DENND11: variants seen among roughly 807,000 people sequenced by gnomAD.
The protein encoded by DENND11 is DENN domain-containing protein 11.
In DENND11, 34 loss-of-function variants were observed where a neutral mutation model predicts 49.2. That is an observed-to-expected ratio of 0.69 (90% confidence interval 0.53 to 0.92). The LOEUF (loss-of-function observed/expected upper bound fraction) is 0.92, where lower values mean the gene tolerates loss of function less well. DENND11 is among the 40% of genes least tolerant of loss of function. The pLI, the probability that DENND11 is intolerant of heterozygous loss-of-function variation, is 0.00. For missense variants in DENND11, 475 were observed against 581.6 expected (o/e 0.82, Z 1.88); for synonymous variants, 238 against 230.3 (o/e 1.03, Z -0.30).
intron 2 of DENND11, among the ~76,000 whole-genome samples, chr7:141,685,984 T>C (rs541686894): frequency 6.6e-6 from 1 of 152,372 alleles, no homozygotes; most frequent in African/African-American, 2.4e-5. Context: ...CTCTCTTTCG[T>C]AGCATAAACC....
At position 141,702,027 on chromosome 7, in the gene DENND11, C is replaced by G. The variant is rs991275339; in HGVS notation, c.127G>C (p.Ala43Pro). The G allele has an allele frequency of 4.8e-6, 5 of 1,046,722 alleles. No individual in the cohort carries two copies. The African/African-American group carries it at 8.6e-5, about 18-fold the overall frequency. 64.8% of individuals were successfully genotyped at this position (1,046,722 alleles called of 1,614,324 possible). ...TCCCGCCTCCGGGGCGGCTCCGCGG[C>G]CGGCCGGGCGCCCCCGCCGCCGCCC... is the stretch of plus-strand genomic sequence containing the variant. ...GRGGGGGARP[A>P]AEPPRRREPE... The change falls in exon 1 of 9, where the codon GCC becomes CCC. Residue 43 changes from alanine (A) to proline (P), a missense_variant. Physicochemically the swap from Ala to Pro is conservative, Grantham distance 27 (BLOSUM62 -1). Transcript: ENST00000536163.
chr7:141,669,491 C>G (rs971775295), intron 4 of DENND11, among the ~76,000 whole-genome samples: 11 of 152,194 alleles, frequency 7.2e-5, no homozygotes, highest in African/African-American at 2.4e-4. Flanking sequence ...CATGATCCAC[C>G]TGCCTTGGCC....
At chr7:141,687,631 A>ACTTTTTTTTTTTTT (rs1554410465) in intron 1 of DENND11, among the ~76,000 whole-genome samples, 1 of 112,826 alleles carries the variant, frequency 8.9e-6, no homozygotes, top group African/African-American at 3.3e-5. Flanking sequence ...CACTCGGCTA[A>ACTTTTTTTTTTTTT]TTTTTTTTTT....
At position 141,685,466 on chromosome 7, in the gene DENND11, G is replaced by A. The variant is rs1798223912; in HGVS notation, c.527+12C>T. On this transcript the variant is annotated intron_variant, in intron 3 of 8. Coordinates refer to ENST00000536163, the MANE Select transcript of DENND11 (RefSeq NM_001080392.2). The stretch of plus-strand genomic sequence containing the variant: ...CCTGCTGCCTCCCTGCACATGTACG[G>A]AAGCCACGTACCGAACCTGGTTCTC... The A allele has an allele frequency of 6.2e-7, 1 of 1,613,470 alleles. No individual in the cohort carries two copies. The highest frequency in any genetic ancestry group is 2.2e-5 in the East Asian group (1 of 44,866).
Position 141,674,286 on chromosome 7 carries a change from G to A in DENND11, c.528-66C>T, listed in dbSNP as rs900653049. 55 of 1,464,034 alleles carry A rather than the reference G, an allele frequency of 3.8e-5. 1 individual carries two copies. The African/African-American group carries it at 6.6e-4, about 18-fold the overall frequency. 90.7% of individuals were successfully genotyped at this position (1,464,034 alleles called of 1,614,324 possible). A position where few individuals can be genotyped will look rare whatever the true frequency, so the allele number is the denominator to read the frequency against. On this transcript the variant is annotated intron_variant, in intron 3 of 8. Coordinates refer to ENST00000536163, the MANE Select transcript of DENND11 (RefSeq NM_001080392.2). ...TGAGAACAGCCCTGGTCACAGCTCT[G>A]CTACCACTCCTACCCTCCGCCCACC... is the stretch of plus-strand genomic sequence containing the variant.
chr7:141,682,537 G>A (rs967318061), intron 3 of DENND11, among the ~76,000 whole-genome samples: 4 of 152,162 alleles, frequency 2.6e-5, no homozygotes, highest in African/African-American at 9.7e-5. Context: ...TTCCCTATGG[G>A]CTGAAATGCA....
chr7:141,694,806 G>C (rs1473105382), intron 1 of DENND11, among the ~76,000 whole-genome samples: 3 of 152,156 alleles, frequency 2.0e-5, no homozygotes, highest in African/African-American at 7.2e-5. Flanking sequence ...ATCAAGCCAT[G>C]TCGGAATATA....
chr7:141,699,914 A>ACT (rs1388867314), intron 1 of DENND11, among the ~76,000 whole-genome samples: 2 of 149,934 alleles, frequency 1.3e-5, no homozygotes, highest in African/African-American at 2.5e-5. Context: ...GAAAACCATC[A>ACT]CTCACACACA....
At chr7:141,687,878 C>T (rs1050588323) in intron 1 of DENND11, among the ~76,000 whole-genome samples, 2 of 152,152 alleles carry the variant, frequency 1.3e-5, no homozygotes, top group African/African-American at 4.8e-5. Context: ...TTGTGATCCG[C>T]CCACCTCAGC....
intron 1 of DENND11, chr7:141,701,519 C>G (rs1003028822): frequency 6.5e-6 from 1 of 154,248 alleles, no homozygotes; most frequent in Non-Finnish European, 1.4e-5. Flanking sequence ...CTTCTAGCCC[C>G]CAAGAAAAGA....
At chr7:141,673,341 T>G (rs1798012088) in intron 4 of DENND11, among the ~76,000 whole-genome samples, 1 of 152,160 alleles carries the variant, frequency 6.6e-6, no homozygotes, top group Non-Finnish European at 1.5e-5. Flanking sequence ...CAGAAGGTGC[T>G]GAGAAAGTGA....
Position 141,664,193 on chromosome 7 carries a change from C to G in DENND11, c.1151G>C (p.Cys384Ser). ...SQEVEEDYNP[C>S]EEDLFVLFFL... ...TCACAGCACGAAGAGGTCCTCTTCA[C>G]AAGGGTTGTAGTCTTCTTCTACTTC... Residue 384 changes from cysteine (C) to serine (S), a missense_variant, in exon 8 of 9, where the codon TGT (cysteine) becomes TCT (serine). Cys to Ser is a moderately radical substitution (Grantham distance 112). Coordinates refer to ENST00000536163, the MANE Select transcript of DENND11 (RefSeq NM_001080392.2). The G allele has an allele frequency of 6.3e-7, 1 of 1,584,306 alleles. No homozygotes were observed. Among genetic ancestry groups the G allele is most frequent in the Non-Finnish European group, 8.6e-7 (1 of 1,163,662 alleles).
chr7:141,668,223 G>T (rs1797925065), intron 4 of DENND11, among the ~76,000 whole-genome samples: 1 of 152,204 alleles, frequency 6.6e-6, no homozygotes, highest in African/African-American at 2.4e-5. Context: ...AAACTGGAGG[G>T]TGCCTGATCC....
At chr7:141,669,244 GTTTT>G (rs36043478) in intron 4 of DENND11, among the ~76,000 whole-genome samples, 2 of 133,776 alleles carry the variant, frequency 1.5e-5, no homozygotes, top group East Asian at 2.3e-4. Context: ...CTTCTTTAAA[GTTTT>G]TTTTTTTTTT....
intron 3 of DENND11, among the ~76,000 whole-genome samples, chr7:141,681,059 T>C (rs1192250158): frequency 6.6e-6 from 1 of 151,972 alleles, no homozygotes; most frequent in Non-Finnish European, 1.5e-5. Context: ...GGTGAGAAAA[T>C]AGATATTGCA....
At chr7:141,670,303 C>T (rs1797960948) in intron 4 of DENND11, among the ~76,000 whole-genome samples, 1 of 152,122 alleles carries the variant, frequency 6.6e-6, no homozygotes, top group Non-Finnish European at 1.5e-5. Context: ...TAGACAGACA[C>T]TGTGATTGTT....
rs1049886109 is a variant in DENND11 at position 141,658,171 on chromosome 7, T to C, written c.*4485A>G. 6.6e-6 allele frequency: 1 copy of C among 152,222 alleles called. No individual in the cohort carries two copies. The highest frequency in any genetic ancestry group is 1.5e-5 in the Non-Finnish European group (1 of 68,046). 9.4% of individuals were successfully genotyped at this position (152,222 alleles called of 1,614,324 possible). A position where few individuals can be genotyped will look rare whatever the true frequency, so the allele number is the denominator to read the frequency against. On this transcript the variant is annotated 3_prime_UTR_variant, in exon 9 of 9. Transcript: ENST00000536163. ...TAAAATTTCCTTCCATTTCAGTATA[T>C]GCATACTCAGTTCATCACATAGTAA...
rs1406322208 is a variant in DENND11, at chr7:141,660,055, G to A, written c.*2601C>T. On this transcript the variant is annotated 3_prime_UTR_variant, in exon 9 of 9. Transcript: ENST00000536163. Reference sequence around the variant, plus strand: ...ATGTTGGGGAGCAGAATCTGGCATAGAGCAAGGCTTCGAAAGGTGATTTCC... The same window carrying A: ...ATGTTGGGGAGCAGAATCTGGCATAAAGCAAGGCTTCGAAAGGTGATTTCC... The A allele has an allele frequency of 1.3e-5, 2 of 152,302 alleles. No homozygotes were observed. The highest frequency in any genetic ancestry group is 3.9e-4 in the East Asian group (2 of 5,178). The allele number at this position is 152,302 out of a possible 1,614,324, so 9.4% of individuals were successfully genotyped here. A position where few individuals can be genotyped will look rare whatever the true frequency, so the allele number is the denominator to read the frequency against.
Position 141,674,230 on chromosome 7 carries a change from A to AACACACACACACACAC in DENND11, c.528-26_528-11dup, listed in dbSNP as rs35125206. ...CATCTCCAACTGGTGCCTGCAGAAAAACACACACACACACACACACACACA... is the reference window on the plus strand; with the variant it reads ...CATCTCCAACTGGTGCCTGCAGAAAAACACACACACACACACACACACACACACACACACACACACA... On this transcript the variant is annotated splice_polypyrimidine_tract_variant and intron_variant, in intron 3 of 8. Coordinates refer to ENST00000536163, the MANE Select transcript of DENND11 (RefSeq NM_001080392.2). The AACACACACACACACAC allele has an allele frequency of 1.3e-4, 201 of 1,494,540 alleles. 2 individuals are homozygous for AACACACACACACACAC. The African/African-American group carries it at 1.9e-3, about 14-fold the overall frequency. 92.6% of individuals were successfully genotyped at this position (1,494,540 alleles called of 1,614,324 possible). A position where few individuals can be genotyped will look rare whatever the true frequency, so the allele number is the denominator to read the frequency against.
Sources: allele counts gnomAD v4.1 joint callset (sites outside exome capture counted in the v4.1 genomes callset), GRCh38; gene constraint gnomAD v4.1.1; transcripts MANE v1.5; gene names NCBI Gene and HGNC (gene_info 2026-07-23, HGNC 2026-07-21).